The following CNTN5 variants were observed in gnomAD, a reference collection of about 807,000 sequenced individuals.
CNTN5 encodes the protein contactin 5.
In CNTN5, 77 loss-of-function variants were observed where a neutral mutation model predicts 129.1. The observed-to-expected ratio is 0.60, with a 90% CI of 0.50 to 0.72. The LOEUF (loss-of-function observed/expected upper bound fraction) is 0.72. Among genes scored for constraint, CNTN5 ranks in the 30% least tolerant of loss-of-function variants. The pLI, the probability that CNTN5 is intolerant of heterozygous loss-of-function variation, is 0.00. For synonymous variants in CNTN5, 509 were observed against 465.6 expected (o/e 1.09, Z -1.20); for missense variants, 1,478 against 1,328.8 (o/e 1.11, Z -1.75).
intron 3 of CNTN5, among the ~76,000 whole-genome samples, chr11:99,752,577 TCTTGA>T (rs891956944): frequency 3.9e-5 from 6 of 152,200 alleles, no homozygotes; most frequent in Admixed American, 1.3e-4. Context: ...GTATATAGGT[TCTTGA>T]CTTACTAACT....
At chr11:99,573,837 C>G (rs2135585387) in intron 3 of CNTN5, among the ~76,000 whole-genome samples, 1 of 152,074 alleles carries the variant, frequency 6.6e-6, no homozygotes, top group African/African-American at 2.4e-5. Context: ...TGAAACTTCT[C>G]TAAGTTTCCA....
intron 1 of CNTN5, among the ~76,000 whole-genome samples, chr11:99,149,820 G>A (rs1045233409): frequency 2.8e-4 from 43 of 152,164 alleles, no homozygotes; most frequent in African/African-American, 9.6e-4. Flanking sequence ...ATGAGAAAGT[G>A]AGGTTGTCTT....
At chr11:99,902,700 CT>C (rs1292220449) in intron 6 of CNTN5, among the ~76,000 whole-genome samples, 1 of 152,072 alleles carries the variant, frequency 6.6e-6, no homozygotes, top group Admixed American at 6.6e-5. Context: ...CAAAAGTAAC[CT>C]GTTAAAAATA....
intron 2 of CNTN5, among the ~76,000 whole-genome samples, chr11:99,397,756 A>G (rs930456954): frequency 6.6e-6 from 1 of 151,702 alleles, no homozygotes; most frequent in Non-Finnish European, 1.5e-5. Flanking sequence ...CTCATTTTAC[A>G]TATTTCCTTC....
chr11:99,258,107 T>A (rs973680171), intron 1 of CNTN5, among the ~76,000 whole-genome samples: 4 of 152,088 alleles, frequency 2.6e-5, no homozygotes, highest in African/African-American at 9.7e-5. Context: ...CAATCTCAAA[T>A]GTCCCGTGTT....
At chr11:99,257,602 G>T (rs1032886136) in intron 1 of CNTN5, among the ~76,000 whole-genome samples, 14 of 151,766 alleles carry the variant, frequency 9.2e-5, no homozygotes, top group African/African-American at 3.4e-4. Flanking sequence ...TATTGAAATG[G>T]TTACGCTTTG....
intron 2 of CNTN5, among the ~76,000 whole-genome samples, chr11:99,500,973 A>T (rs1946405931): frequency 6.6e-6 from 1 of 152,192 alleles, no homozygotes; most frequent in Non-Finnish European, 1.5e-5. Context: ...AAGACTTCAG[A>T]AATTTGTGTG....
intron 21 of CNTN5, chr11:100,308,923 TTTTTTG>T (rs1441249437): frequency 6.1e-6 from 6 of 984,332 alleles, no homozygotes; most frequent in Non-Finnish European, 7.2e-6. Context: ...TTCAGATAGT[TTTTTTG>T]GTCCCTTAAA....
chr11:99,600,769 TC>T (rs985271391), intron 3 of CNTN5, among the ~76,000 whole-genome samples: 5 of 148,194 alleles, frequency 3.4e-5, no homozygotes, highest in Admixed American at 6.8e-5. Flanking sequence ...TTTCTTTTTT[TC>T]ACCTTTACAT....
In CNTN5 at chr11:100,209,341, T is replaced by C. The variant is rs572758316; in HGVS notation, c.1885-15351T>C. ...TCAACATATATTGTCACTATCAACA[T>C]GAACTAGGTAAACTGCTCTTACCAA... is the stretch of plus-strand genomic sequence containing the variant. On this transcript the variant is annotated intron_variant, in intron 15 of 24. Transcript: ENST00000524871. Among the ~76,000 whole-genome samples the C allele has an allele frequency of 2.6e-5, 4 of 152,330 alleles. No individual in the cohort carries two copies. In the South Asian group the frequency reaches 8.3e-4, roughly 32 times the overall value.
chr11:99,743,629 C>A (rs963677054), intron 3 of CNTN5, among the ~76,000 whole-genome samples: 3 of 152,134 alleles, frequency 2.0e-5, no homozygotes, highest in African/African-American at 7.2e-5. Flanking sequence ...AATAGACTCT[C>A]TGTAACTGTG....
At chr11:100,063,920 A>G (rs1943590899) in intron 10 of CNTN5, among the ~76,000 whole-genome samples, 1 of 152,070 alleles carries the variant, frequency 6.6e-6, no homozygotes, top group Admixed American at 6.6e-5. Context: ...GTCGGTTATC[A>G]TGTATTCATC....
intron 4 of CNTN5, among the ~76,000 whole-genome samples, chr11:99,828,845 T>C (rs549657971): frequency 3.3e-5 from 5 of 152,314 alleles, no homozygotes; most frequent in Admixed American, 6.5e-5. Context: ...AGTAGTTGTC[T>C]TAAACAATGA....
chr11:99,791,981 T>G (rs1231316801), intron 3 of CNTN5, among the ~76,000 whole-genome samples: 2 of 152,128 alleles, frequency 1.3e-5, no homozygotes, highest in African/African-American at 4.8e-5. Context: ...GCTAACATTG[T>G]TTGTCAAAGG....
At position 100,114,851 on chromosome 11, in the gene CNTN5, T is replaced by A. The variant is rs549502685; in HGVS notation, c.1580+40557T>A. 4.6e-5 allele frequency among the ~76,000 whole-genome samples: 7 copies of A among 152,212 alleles called. No homozygotes were observed. In the East Asian group the frequency reaches 1.2e-3, roughly 25 times the overall value. ...CTATGCTTAGTGCTTTATAAATTAA[T>A]TCATTTAATACTCTCAAATGTTTTT... On this transcript the variant is annotated intron_variant, in intron 13 of 24. Transcript: ENST00000524871.
chr11:99,647,788 A>G (rs1952019903), intron 3 of CNTN5, among the ~76,000 whole-genome samples: 1 of 147,474 alleles, frequency 6.8e-6, no homozygotes, highest in Admixed American at 6.7e-5. Flanking sequence ...AAGGCATTTT[A>G]TTTTTTTTTT....
In CNTN5 at chr11:100,162,316, T is replaced by G. The variant is rs116419318; in HGVS notation, c.1581-28810T>G. On this transcript the variant is annotated intron_variant, in intron 13 of 24. Transcript: ENST00000524871. ...TCAATGATAATGCAGCCACTTTCATTATCCTCTATGCTAATTATACTTTAT... is the reference window on the plus strand; with the variant it reads ...TCAATGATAATGCAGCCACTTTCATGATCCTCTATGCTAATTATACTTTAT... Among the ~76,000 whole-genome samples, 1,352 of 152,046 alleles carry G rather than the reference T, an allele frequency of 8.9e-3. 27 individuals carry two copies. Among genetic ancestry groups the G allele is most frequent in the African/African-American group, 0.03 (1,261 of 41,520 alleles).
intron 6 of CNTN5, among the ~76,000 whole-genome samples, chr11:99,862,033 T>G (rs943610407): frequency 6.6e-6 from 1 of 152,210 alleles, no homozygotes; most frequent in Non-Finnish European, 1.5e-5. Context: ...ATTTATAATC[T>G]TAATCTAATT....
At chr11:99,999,966 A>G (rs1939751100) in intron 8 of CNTN5, among the ~76,000 whole-genome samples, 1 of 147,808 alleles carries the variant, frequency 6.8e-6, no homozygotes. Context: ...ATGAGAACAC[A>G]TGGACACAGG....
Sources: allele counts gnomAD v4.1 joint callset (sites outside exome capture counted in the v4.1 genomes callset), GRCh38; gene constraint gnomAD v4.1.1; transcripts MANE v1.5; gene names NCBI Gene and HGNC (gene_info 2026-07-23, HGNC 2026-07-21).